ZNF679: variants seen among roughly 807,000 people sequenced by gnomAD.
The protein encoded by ZNF679 is hypothetical protein MGC42415.
A neutral mutation model predicts 13.4 loss-of-function variants in ZNF679; 10 were observed. The observed-to-expected ratio is 0.75, with a 90% CI of 0.46 to 1.27. The LOEUF (loss-of-function observed/expected upper bound fraction) is 1.27, where lower values mean the gene tolerates loss of function less well. Among genes scored for constraint, ZNF679 ranks in the 50% most tolerant of loss-of-function variants. The pLI, the probability that ZNF679 is intolerant of heterozygous loss-of-function variation, is 0.00. For missense variants in ZNF679, 525 were observed against 477.8 expected (o/e 1.10, Z -0.92); for synonymous variants, 179 against 162.5 (o/e 1.10, Z -0.77).
chr7:64,264,446 A>T (rs1340267192), intron 4 of ZNF679, among the ~76,000 whole-genome samples: 1 of 152,026 alleles, frequency 6.6e-6, no homozygotes, highest in Non-Finnish European at 1.5e-5. Flanking sequence ...TATTTTTTGT[A>T]TATGCATATG....
chr7:64,263,359 G>T (rs1414428619), intron 4 of ZNF679, among the ~76,000 whole-genome samples: 1 of 152,168 alleles, frequency 6.6e-6, no homozygotes, highest in African/African-American at 2.4e-5. Context: ...CCAAAGTGCT[G>T]AGAGTACACC....
Position 64,265,934 on chromosome 7 carries a change from C to G in ZNF679, c.301C>G (p.Leu101Val), listed in dbSNP as rs765986106. 1.2e-5 allele frequency: 19 copies of G among 1,613,624 alleles called. No individual in the cohort carries two copies. Among genetic ancestry groups the G allele is most frequent in the Non-Finnish European group, 1.4e-5 (17 of 1,179,848 alleles). Reference protein sequence around the residue: ...SHFTQDLPPELGIKDSLQKVI... With the variant: ...SHFTQDLPPEVGIKDSLQKVI... ...TTTCACCCAAGACCTTCCGCCAGAGCTAGGCATAAAAGATTCACTCCAAAA... is the reference window on the plus strand; with the variant it reads ...TTTCACCCAAGACCTTCCGCCAGAGGTAGGCATAAAAGATTCACTCCAAAA... The change falls in exon 5 of 5, where the codon CTA (leucine) becomes GTA (valine). Residue 101 changes from leucine (L) to valine (V), a missense_variant. Coordinates refer to ENST00000421025, the MANE Select transcript of ZNF679 (RefSeq NM_153363.3).
chr7:64,249,419 GC>G lies in ZNF679; in HGVS notation c.39+265del, dbSNP rs1226549978. 4.6e-5 allele frequency among the ~76,000 whole-genome samples: 7 copies of G among 152,268 alleles called. No homozygotes were observed. The East Asian group carries it at 1.4e-3, about 29-fold the overall frequency. On this transcript the variant is annotated intron_variant, in intron 2 of 4. Transcript: ENST00000421025. ...CTCTGGGCAGCTCTGCACTCCCAGC[GC>G]CTCATCTCACCCAGATTGTACAGGG...
At chr7:64,260,430 A>C (rs184568657) in intron 3 of ZNF679, 83 bp downstream of exon 3, 1 of 1,538,568 alleles carries the variant, frequency 6.5e-7, no homozygotes. Flanking sequence ...TCTGCTTTGC[A>C]TGAGTGAATT....
chr7:64,242,592 T>C (rs767369091), intron 1 of ZNF679, among the ~76,000 whole-genome samples: 2 of 152,158 alleles, frequency 1.3e-5, no homozygotes, highest in Non-Finnish European at 2.9e-5. Flanking sequence ...ACTGTATCTG[T>C]CAGTGAGATT....
chr7:64,249,520 G>T (rs1174624855), intron 2 of ZNF679, among the ~76,000 whole-genome samples: 3 of 152,138 alleles, frequency 2.0e-5, no homozygotes, highest in Non-Finnish European at 4.4e-5. Flanking sequence ...GGTCCCTGGG[G>T]TCCCTAGTTC....
chr7:64,239,762 G>A (rs1373773377), intron 1 of ZNF679, among the ~76,000 whole-genome samples: 1 of 152,202 alleles, frequency 6.6e-6, no homozygotes, highest in Non-Finnish European at 1.5e-5. Context: ...ACTGGCCTAA[G>A]TAAAAAGGTA....
chr7:64,235,618 G>T (rs1787699323), intron 1 of ZNF679, among the ~76,000 whole-genome samples: 1 of 151,938 alleles, frequency 6.6e-6, no homozygotes. Flanking sequence ...GTGAAACCCT[G>T]TCTTTACTAA....
chr7:64,260,230 ACATT>A lies in ZNF679; in HGVS notation c.52_55del (p.Phe18GlufsTer3). 6.2e-7 allele frequency: 1 copy of A among 1,603,628 alleles called. No homozygotes were observed. Among genetic ancestry groups the A allele is most frequent in the South Asian group, 1.1e-5 (1 of 89,444 alleles). On this transcript the variant is annotated frameshift_variant, in exon 3 of 5. Coordinates refer to ENST00000421025, the MANE Select transcript of ZNF679 (RefSeq NM_153363.3). LOFTEE classifies it high-confidence loss of function. ...TGTTATTGTTTTTCAGGGACTGTTG[ACATT>A]CAGAGATGTAGTCATAGAATTCTCT...
At chr7:64,262,605 T>A (rs9690958) in intron 4 of ZNF679, among the ~76,000 whole-genome samples, 51,325 of 152,122 alleles carry the variant, frequency 0.34, 10,341 homozygotes, top group East Asian at 0.82. Flanking sequence ...GGCAACCTTG[T>A]GGCAGATTAT....
intron 1 of ZNF679, among the ~76,000 whole-genome samples, chr7:64,246,081 A>T (rs1421937908): frequency 6.6e-6 from 1 of 152,178 alleles, no homozygotes; most frequent in Non-Finnish European, 1.5e-5. Context: ...GCTGAGAGGG[A>T]CTTTACGGAG....
At chr7:64,258,040 A>G (rs117670015) in intron 2 of ZNF679, among the ~76,000 whole-genome samples, 5,482 of 152,232 alleles carry the variant, frequency 0.036, 192 homozygotes, top group East Asian at 0.17. Context: ...TGCCTGCCCT[A>G]TTTCAGTTTG....
chr7:64,257,339 A>G (rs1788017186), intron 2 of ZNF679, among the ~76,000 whole-genome samples: 1 of 152,216 alleles, frequency 6.6e-6, no homozygotes, highest in Non-Finnish European at 1.5e-5. Flanking sequence ...TTCATTATTT[A>G]CAAAATAGCC....
At chr7:64,234,120 G>A (rs753673520) in intron 1 of ZNF679, among the ~76,000 whole-genome samples, 18 of 152,174 alleles carry the variant, frequency 1.2e-4, no homozygotes, top group Non-Finnish European at 2.4e-4. Flanking sequence ...CCGGGCTGCC[G>A]TGAGACCTAA....
intron 2 of ZNF679, among the ~76,000 whole-genome samples, chr7:64,250,265 G>T (rs141830074): frequency 2.1e-4 from 19 of 91,314 alleles, no homozygotes; most frequent in Admixed American, 6.3e-4. Context: ...CTTTCCCTTG[G>T]TTTTTTTTTT....
At chr7:64,252,527 G>C (rs1787956036) in intron 2 of ZNF679, among the ~76,000 whole-genome samples, 1 of 152,104 alleles carries the variant, frequency 6.6e-6, no homozygotes, top group Non-Finnish European at 1.5e-5. Flanking sequence ...CTAAGGCTTA[G>C]CTTTGTGAAT....
At chr7:64,245,166 A>G (rs1787850143) in intron 1 of ZNF679, among the ~76,000 whole-genome samples, 1 of 152,162 alleles carries the variant, frequency 6.6e-6, no homozygotes, top group South Asian at 2.1e-4. Flanking sequence ...AGCTGGGACT[A>G]CAGGCACCCA....
intron 2 of ZNF679, among the ~76,000 whole-genome samples, chr7:64,250,611 C>G (rs769794358): frequency 6.6e-6 from 1 of 151,236 alleles, no homozygotes; most frequent in Non-Finnish European, 1.5e-5. Context: ...TTTTTTGAGA[C>G]GGAGCCCCAT....
At chr7:64,253,329 C>T (rs536108340) in intron 2 of ZNF679, among the ~76,000 whole-genome samples, 32 of 152,114 alleles carry the variant, frequency 2.1e-4, no homozygotes, top group Non-Finnish European at 4.6e-4. Flanking sequence ...TAACTCCAAG[C>T]TAAGGGCAAT....
Sources: allele counts gnomAD v4.1 joint callset (sites outside exome capture counted in the v4.1 genomes callset), GRCh38; gene constraint gnomAD v4.1.1; transcripts MANE v1.5; gene names NCBI Gene and HGNC (gene_info 2026-07-23, HGNC 2026-07-21).